Variants in FTO observed in about 807,000 individuals in gnomAD.
FTO encodes FTO alpha-ketoglutarate dependent dioxygenase.
FTO carries 47 observed loss-of-function variants against 63.9 expected under a neutral mutation model. The observed-to-expected ratio is 0.74, with a 90% confidence interval of 0.58 to 0.94. The LOEUF (loss-of-function observed/expected upper bound fraction) is 0.94. Ranked by LOEUF, FTO falls within the 40% of genes least tolerant of loss-of-function variation. The pLI is 0.00. For missense variants in FTO, 562 were observed against 618.1 expected, an observed-to-expected ratio of 0.91 and a Z score of 0.96; for synonymous variants, 207 against 224.4, an observed-to-expected ratio of 0.92 and a Z score of 0.69.
intron 1 of FTO, among the ~76,000 whole-genome samples, chr16:53,752,096 A>G (rs1393861652): frequency 6.6e-6 from 1 of 152,238 alleles, no homozygotes; most frequent in Non-Finnish European, 1.5e-5. Flanking sequence ...GCAGAACACG[A>G]GCAATCTAAG....
chr16:53,911,110 G>T (rs1052947055), intron 7 of FTO: 1 of 415,322 alleles, frequency 2.4e-6, no homozygotes, highest in Admixed American at 3.7e-5. Flanking sequence ...TTTGATTTAT[G>T]TCTGCAGTAG....
chr16:53,834,357 C>T (rs540814212), intron 3 of FTO, among the ~76,000 whole-genome samples: 8 of 152,152 alleles, frequency 5.3e-5, no homozygotes, highest in East Asian at 3.9e-4. Flanking sequence ...GTGATGAGCA[C>T]GGGATCAGAG....
chr16:53,754,791 A>G (rs954852435), intron 1 of FTO, among the ~76,000 whole-genome samples: 3 of 152,258 alleles, frequency 2.0e-5, no homozygotes, highest in Non-Finnish European at 4.4e-5. Context: ...TTAAAATTTT[A>G]TTTACTTTCA....
At chr16:53,915,912 T>G (rs999224579) in intron 7 of FTO, among the ~76,000 whole-genome samples, 2 of 152,240 alleles carry the variant, frequency 1.3e-5, no homozygotes, top group African/African-American at 4.8e-5. Flanking sequence ...AAAACTATTC[T>G]GGATGTGGCA....
chr16:53,775,630 A>G (rs1278202702), intron 1 of FTO, among the ~76,000 whole-genome samples: 2 of 152,134 alleles, frequency 1.3e-5, no homozygotes, highest in South Asian at 2.1e-4. Flanking sequence ...AGGACCTTCC[A>G]TAATCAGGGT....
chr16:53,905,850 C>T (rs949909333), intron 7 of FTO, among the ~76,000 whole-genome samples: 3 of 152,120 alleles, frequency 2.0e-5, no homozygotes, highest in African/African-American at 4.8e-5. Context: ...GGTGTACGCT[C>T]TCTCTGAGGT....
At chr16:54,060,889 A>G (rs1444460003) in intron 8 of FTO, among the ~76,000 whole-genome samples, 3 of 152,286 alleles carry the variant, frequency 2.0e-5, no homozygotes, top group Middle Eastern at 3.4e-3. Flanking sequence ...CCCAGACATA[A>G]ATCATCTATA....
intron 1 of FTO, among the ~76,000 whole-genome samples, chr16:53,747,956 T>G (rs2076687380): frequency 1.3e-5 from 2 of 152,238 alleles, no homozygotes; most frequent in Non-Finnish European, 2.9e-5. Context: ...GGCACGTTTG[T>G]CAAACCCACA....
intron 1 of FTO, among the ~76,000 whole-genome samples, chr16:53,712,009 C>T (rs2075787006): frequency 1.3e-5 from 2 of 152,188 alleles, no homozygotes; most frequent in South Asian, 4.1e-4. Context: ...AGGAGGCTCA[C>T]TTGAGACCAG....
chr16:53,715,868 T>TA (rs1221299347), intron 1 of FTO, among the ~76,000 whole-genome samples: 1 of 152,198 alleles, frequency 6.6e-6, no homozygotes, highest in Non-Finnish European at 1.5e-5. Context: ...ACATTCTCTG[T>TA]AGAGTTCATT....
chr16:53,781,793 C>G (rs893987621), intron 1 of FTO, among the ~76,000 whole-genome samples: 1 of 143,572 alleles, frequency 7.0e-6, no homozygotes, highest in African/African-American at 2.8e-5. Context: ...TTTTAACAGC[C>G]CTGTTTGTTT....
rs1294743687 is a variant in FTO, at chr16:54,116,913, C to CTG, written c.*5002_*5003dup. Reference sequence around the variant, plus strand: ...CCCAGGCAGCCCTGCTCCCATAGTCCTGTGTCCCATCGGCCCCATGCTCCC... The same window carrying CTG: ...CCCAGGCAGCCCTGCTCCCATAGTCCTGTGTGTCCCATCGGCCCCATGCTCCC... On this transcript the variant is annotated 3_prime_UTR_variant, in exon 9 of 9. Transcript: ENST00000471389. 1 of 152,340 alleles carries CTG rather than the reference C, an allele frequency of 6.6e-6. No individual in the cohort carries two copies. The highest frequency in any genetic ancestry group is 1.5e-5 in the Non-Finnish European group (1 of 68,174). 9.4% of individuals were successfully genotyped at this position (152,340 alleles called of 1,614,324 possible).
At chr16:53,739,461 G>A (rs182978587) in intron 1 of FTO, among the ~76,000 whole-genome samples, 229 of 149,154 alleles carry the variant, frequency 1.5e-3, no homozygotes, top group African/African-American at 4.7e-3. Flanking sequence ...TGATCCGCCC[G>A]CCTTGGCCTC....
chr16:53,824,474 G>A (rs370182195), intron 2 of FTO, among the ~76,000 whole-genome samples: 2 of 152,106 alleles, frequency 1.3e-5, no homozygotes, highest in African/African-American at 4.8e-5. Flanking sequence ...TTTCCTGCTG[G>A]TTTGTTTCTG....
In FTO at chr16:53,883,622, C is replaced by CAAAAAAAAA. The variant is rs36010057; in HGVS notation, c.1119+3640_1119+3648dup. ...GGGCAACAAGGGCGAAACTCTATCT[C>CAAAAAAAAA]AAAAAAAAAAAAACAAAAAAAAAAA... On this transcript the variant is annotated intron_variant, in intron 6 of 8. Transcript: ENST00000471389. Among the ~76,000 whole-genome samples the CAAAAAAAAA allele has an allele frequency of 2.4e-3, 142 of 59,324 alleles. 10 individuals carry two copies. Among genetic ancestry groups the CAAAAAAAAA allele is most frequent in the African/African-American group, 0.011 (126 of 11,934 alleles). The allele number at this position is 59,324 out of a possible 152,430, so 38.9% of individuals were successfully genotyped here. A position where few individuals can be genotyped will look rare whatever the true frequency, so the allele number is the denominator to read the frequency against.
At chr16:53,779,045 C>T (rs1052602809) in intron 1 of FTO, among the ~76,000 whole-genome samples, 3 of 152,084 alleles carry the variant, frequency 2.0e-5, no homozygotes, top group South Asian at 2.1e-4. Context: ...AGTCAGTTGG[C>T]CTCATTTGTA....
intron 8 of FTO, among the ~76,000 whole-genome samples, chr16:54,064,772 G>A (rs1171005303): frequency 6.6e-6 from 1 of 152,148 alleles, no homozygotes; most frequent in Non-Finnish European, 1.5e-5. Flanking sequence ...AAACAGGCCT[G>A]TATACGTGAA....
intron 6 of FTO, among the ~76,000 whole-genome samples, chr16:53,882,920 T>G (rs1002919720): frequency 6.6e-6 from 1 of 152,190 alleles, no homozygotes; most frequent in Non-Finnish European, 1.5e-5. Context: ...GTAACCACTT[T>G]TGATGCTGAG....
At chr16:53,980,988 T>C (rs545631867) in intron 8 of FTO, among the ~76,000 whole-genome samples, 1 of 152,262 alleles carries the variant, frequency 6.6e-6, no homozygotes, top group African/African-American at 2.4e-5. Flanking sequence ...TAACATGGGT[T>C]CTCCACAGTA....
Sources: allele counts gnomAD v4.1 joint callset (sites outside exome capture counted in the v4.1 genomes callset), GRCh38; gene constraint gnomAD v4.1.1; transcripts MANE v1.5; gene names NCBI Gene and HGNC (gene_info 2026-07-23, HGNC 2026-07-21).